SGTB: variants seen among roughly 807,000 people sequenced by gnomAD.
SGTB encodes the protein small glutamine rich tetratricopeptide repeat co-chaperone beta, also known as small glutamine-rich tetratricopeptide repeat-containing protein beta.
SGTB carries 19 observed loss-of-function variants against 43.9 expected under a neutral mutation model. That is an observed-to-expected ratio of 0.43 (90% confidence interval 0.30 to 0.63). SGTB has a LOEUF of 0.63. Ranked by LOEUF, SGTB falls within the 30% of genes least tolerant of loss-of-function variation. The pLI, the probability that SGTB is intolerant of heterozygous loss-of-function variation, is 0.12. For missense variants in SGTB, 304 were observed against 358.9 expected (o/e 0.85, Z 1.24); for synonymous variants, 116 against 117.3 (o/e 0.99, Z 0.07).
chr5:65,720,605 A>G, intron 2 of SGTB, 103 bp downstream of exon 2: 2 of 1,383,094 alleles, frequency 1.4e-6, no homozygotes, highest in Non-Finnish European at 1.9e-6. Flanking sequence ...AAGATCAAAA[A>G]AAATTCTGAT....
intron 2 of SGTB, among the ~76,000 whole-genome samples, chr5:65,718,145 G>A (rs1020546087): frequency 6.6e-6 from 1 of 152,116 alleles, no homozygotes; most frequent in Non-Finnish European, 1.5e-5. Context: ...TGCAATTCTG[G>A]TAATGATTAA....
chr5:65,680,814 AG>A lies in SGTB; in HGVS notation c.480-21del, dbSNP rs779241216. On this transcript the variant is annotated intron_variant, in intron 6 of 10. Transcript: ENST00000381007. ...GCCAGCCTGAAGGGAATAGAATATA[AG>A]AATATCAGATATATGATTAAAGAAC... 11 of 1,605,304 alleles carry A rather than the reference AG, an allele frequency of 6.9e-6. No individual in the cohort carries two copies. In the East Asian group the frequency reaches 2.5e-4, roughly 36 times the overall value.
rs1425227259 is a variant in SGTB, at chr5:65,670,285, C to T, written c.876G>A (p.Arg292=). 2 of 1,614,034 alleles carry T rather than the reference C, an allele frequency of 1.2e-6. No individual in the cohort carries two copies. The highest frequency in any genetic ancestry group is 2.7e-5 in the African/African-American group (2 of 74,932). ...ELIEQLRNHI[R]SRSFSSSAEE... is the part of the protein sequence containing the mutation. ...CAGCGCTGCTGCTGAATGATCTGCT[C>T]CGGATGTGATTTCTCAGTTGCTCTA... The change falls in exon 11 of 11, where the codon CGG becomes CGA. Residue 292 remains arginine, a synonymous_variant. Coordinates refer to ENST00000381007, the MANE Select transcript of SGTB (RefSeq NM_019072.3).
chr5:65,674,833 A>G (rs892131949), intron 8 of SGTB, among the ~76,000 whole-genome samples: 2 of 152,032 alleles, frequency 1.3e-5, no homozygotes, highest in African/African-American at 4.8e-5. Flanking sequence ...AAAAAAAAAA[A>G]TGAAGTCACA....
In SGTB at chr5:65,666,236, T is replaced by G. The variant is rs1757034699; in HGVS notation, c.*4010A>C. ...AGTAAAATGATGGTCACTTGGAATC[T>G]GCTCTATATTTTAATTATAGTCTCT... On this transcript the variant is annotated 3_prime_UTR_variant, in exon 11 of 11. Transcript: ENST00000381007. 2 of 152,242 alleles carry G rather than the reference T, an allele frequency of 1.3e-5. No individual in the cohort carries two copies. The highest frequency in any genetic ancestry group is 1.5e-5 in the Non-Finnish European group (1 of 68,006). 9.4% of individuals were successfully genotyped at this position (152,242 alleles called of 1,614,324 possible).
Position 65,697,277 on chromosome 5 carries a change from G to C in SGTB, c.374+7002C>G, listed in dbSNP as rs184276393. Among the ~76,000 whole-genome samples the C allele has an allele frequency of 2.6e-5, 4 of 152,290 alleles. No individual in the cohort carries two copies. In the East Asian group the frequency reaches 7.7e-4, roughly 29 times the overall value. ...AAAGATACAATTTAAGTGCAAAAGA[G>C]AAGCATAATTATTGATTTCAGTTTT... is the stretch of plus-strand genomic sequence containing the variant. On this transcript the variant is annotated intron_variant, in intron 5 of 10. Transcript: ENST00000381007.
chr5:65,691,934 GA>G (rs70983684), intron 5 of SGTB, among the ~76,000 whole-genome samples: 7,331 of 89,836 alleles, frequency 0.082, 278 homozygotes, highest in Middle Eastern at 0.17. Context: ...TCGTCTTAAA[GA>G]AAAAAAAAAA....
chr5:65,713,765 C>G (rs976919778), intron 2 of SGTB, among the ~76,000 whole-genome samples: 1 of 152,134 alleles, frequency 6.6e-6, no homozygotes, highest in Non-Finnish European at 1.5e-5. Flanking sequence ...TGGTGGGTTA[C>G]GCCTGTAATC....
Position 65,685,434 on chromosome 5 carries a change from G to A in SGTB, c.413C>T (p.Ala138Val), listed in dbSNP as rs141743649. ...AQSKLGHYTD[A>V]IKDCEKAIAI... ...TATTGCTTTTTCACAATCCTTTATC[G>A]CATCTGTGTAGTGACCTAATTTGCT... Residue 138 changes from alanine to valine, a missense_variant, in exon 6 of 11, where the codon GCG becomes GTG. By Grantham distance (64) the Ala-to-Val change is moderately conservative (BLOSUM62 0). Transcript: ENST00000381007. The A allele has an allele frequency of 2.8e-5, 45 of 1,613,822 alleles. No individual in the cohort carries two copies. Among genetic ancestry groups the A allele is most frequent in the Middle Eastern group, 1.6e-4 (1 of 6,084 alleles).
chr5:65,702,229 C>T (rs1215097648), intron 5 of SGTB, among the ~76,000 whole-genome samples: 2 of 151,992 alleles, frequency 1.3e-5, no homozygotes, highest in East Asian at 3.9e-4. Flanking sequence ...GACTGAAGGA[C>T]AAAGTACAAA....
chr5:65,701,010 A>AC (rs1757805188), intron 5 of SGTB, among the ~76,000 whole-genome samples: 1 of 120,638 alleles, frequency 8.3e-6, no homozygotes. Flanking sequence ...ACTCCGTCTC[A>AC]AAAAAAAAAA....
At chr5:65,695,784 T>A (rs914488170) in intron 5 of SGTB, among the ~76,000 whole-genome samples, 3 of 152,208 alleles carry the variant, frequency 2.0e-5, no homozygotes, top group African/African-American at 7.2e-5. Context: ...TACCTTGTTT[T>A]TGAAAGAAAC....
At chr5:65,673,295 C>T (rs557102353) in intron 8 of SGTB, among the ~76,000 whole-genome samples, 3 of 152,130 alleles carry the variant, frequency 2.0e-5, no homozygotes, top group Non-Finnish European at 4.4e-5. Flanking sequence ...ACAGACTGAC[C>T]GGTTGTAGTA....
chr5:65,668,702 C>G lies in SGTB; in HGVS notation c.*1544G>C, dbSNP rs1298594776. 6.7e-6 allele frequency: 1 copy of G among 149,444 alleles called. No individual in the cohort carries two copies. Among genetic ancestry groups the G allele is most frequent in the African/African-American group, 2.5e-5 (1 of 40,206 alleles). 9.3% of individuals were successfully genotyped at this position (149,444 alleles called of 1,614,324 possible). On this transcript the variant is annotated 3_prime_UTR_variant, in exon 11 of 11. Coordinates refer to ENST00000381007, the MANE Select transcript of SGTB (RefSeq NM_019072.3). ...GTTGCAGTGAGCCGCGATTGCGCCA[C>G]TGCACTCCAGCCTGGCGACAGAGAG...
chr5:65,704,049 A>AAAAAAAAAAAT (rs1554025721), intron 5 of SGTB, among the ~76,000 whole-genome samples: 1 of 139,634 alleles, frequency 7.2e-6, no homozygotes, highest in Non-Finnish European at 1.5e-5. Context: ...AAAAAAAAAA[A>AAAAAAAAAAAT]AAATAAATAA....
chr5:65,671,010 G>A (rs1429907793), intron 10 of SGTB, among the ~76,000 whole-genome samples: 4 of 152,198 alleles, frequency 2.6e-5, no homozygotes, highest in African/African-American at 9.6e-5. Context: ...CTCAAGTAAT[G>A]AGAAGATGCA....
chr5:65,718,176 A>G (rs936639949), intron 2 of SGTB, among the ~76,000 whole-genome samples: 26 of 152,280 alleles, frequency 1.7e-4, no homozygotes, highest in Admixed American at 1.3e-3. Flanking sequence ...GGCTTTCTCA[A>G]TCTCCGCATA....
intron 8 of SGTB, among the ~76,000 whole-genome samples, chr5:65,677,350 C>CAA (rs779583231): frequency 4.1e-5 from 4 of 98,178 alleles, no homozygotes; most frequent in East Asian, 5.6e-4. Flanking sequence ...GCCTACCAAC[C>CAA]AAAAAAAAAA....
At position 65,691,961 on chromosome 5, in the gene SGTB, A is replaced by G. The variant is rs1757623006; in HGVS notation, c.375-6489T>C. On this transcript the variant is annotated intron_variant, in intron 5 of 10. Coordinates refer to ENST00000381007, the MANE Select transcript of SGTB (RefSeq NM_019072.3). The stretch of plus-strand genomic sequence containing the variant: ...AAAAAAAAAAAAAAAATGAAGTTAC[A>G]TAAAAGGATACACGACCAGTTTAAA... Among the ~76,000 whole-genome samples the G allele has an allele frequency of 2.6e-5, 4 of 151,772 alleles. No individual in the cohort carries two copies. In the South Asian group the frequency reaches 8.3e-4, roughly 32 times the overall value.
Sources: gnomAD v4.1 joint callset for allele counts (sites outside exome capture counted in the v4.1 genomes callset) on GRCh38, gnomAD v4.1.1 for gene constraint, MANE v1.5 for transcripts, NCBI Gene and HGNC (gene_info 2026-07-23, HGNC 2026-07-21) for gene names.